RAD51B: variants seen among roughly 807,000 people sequenced by gnomAD.
The protein encoded by RAD51B is RAD51 paralog B, also known as DNA repair protein RAD51 homolog 2.
Under a neutral mutation model 42.2 loss-of-function variants are expected in RAD51B, and 38 were observed. The observed-to-expected ratio is 0.90, with a 90% CI of 0.70 to 1.18. The LOEUF is 1.18. Among genes scored for constraint, RAD51B ranks in the 50% most tolerant of loss-of-function variants. The pLI is 0.00. For missense variants in RAD51B, 373 were observed against 400.7 expected, an observed-to-expected ratio of 0.93 and a Z score of 0.59; for synonymous variants, 154 against 145.2, an observed-to-expected ratio of 1.06 and a Z score of -0.43.
chr14:67,943,517 CATCT>C (rs1447414031), intron 7 of RAD51B, among the ~76,000 whole-genome samples: 6 of 152,130 alleles, frequency 3.9e-5, no homozygotes, highest in Admixed American at 3.9e-4. Context: ...TATATCCATC[CATCT>C]ATCTATTATT....
At chr14:68,370,764 G>A (rs1195305200) in intron 8 of RAD51B, among the ~76,000 whole-genome samples, 1 of 152,124 alleles carries the variant, frequency 6.6e-6, no homozygotes, top group Non-Finnish European at 1.5e-5. Flanking sequence ...TGAAGAATTG[G>A]CCGGGCGCAG....
chr14:68,661,402 C>T (rs1224741595), intron 11 of RAD51B, among the ~76,000 whole-genome samples: 1 of 152,106 alleles, frequency 6.6e-6, no homozygotes. Context: ...GGGGTCTGCA[C>T]CAGGGGTTGA....
At chr14:68,350,478 A>G (rs1460053732) in intron 8 of RAD51B, among the ~76,000 whole-genome samples, 1 of 152,272 alleles carries the variant, frequency 6.6e-6, no homozygotes, top group Non-Finnish European at 1.5e-5. Flanking sequence ...TAGCAGAGTG[A>G]GCAAAGGCTG....
intron 8 of RAD51B, among the ~76,000 whole-genome samples, chr14:68,346,813 C>T (rs1429144247): frequency 6.6e-6 from 1 of 152,144 alleles, no homozygotes; most frequent in Non-Finnish European, 1.5e-5. Context: ...TCTCCATCAC[C>T]CCTCCTCCCA....
intron 8 of RAD51B, among the ~76,000 whole-genome samples, chr14:68,331,148 G>A (rs1020249014): frequency 5.3e-5 from 8 of 151,930 alleles, no homozygotes; most frequent in African/African-American, 1.9e-4. Flanking sequence ...TAGATCATGA[G>A]GTCAGGAGTT....
At chr14:68,591,991 G>A (rs961065130) in intron 10 of RAD51B, among the ~76,000 whole-genome samples, 1 of 152,148 alleles carries the variant, frequency 6.6e-6, no homozygotes, top group Non-Finnish European at 1.5e-5. Flanking sequence ...GGAGGCAGGT[G>A]ACTTCCAGGT....
intron 7 of RAD51B, chr14:68,125,418 G>GA (rs2077736663): frequency 6.6e-6 from 1 of 152,206 alleles, no homozygotes; most frequent in African/African-American, 2.4e-5. Flanking sequence ...AACTGCAATG[G>GA]AAAAGCACAC....
chr14:68,291,181 GT>G (rs2081509796), intron 7 of RAD51B, among the ~76,000 whole-genome samples: 2 of 151,538 alleles, frequency 1.3e-5, no homozygotes, highest in Admixed American at 1.3e-4. Context: ...ATTTTATTTT[GT>G]TTTTAATTTA....
intron 7 of RAD51B, among the ~76,000 whole-genome samples, chr14:68,037,427 G>A (rs901172333): frequency 1.3e-5 from 2 of 151,058 alleles, no homozygotes; most frequent in African/African-American, 2.4e-5. Flanking sequence ...TACCACGTTG[G>A]CCAGGATGGT....
intron 7 of RAD51B, among the ~76,000 whole-genome samples, chr14:68,040,318 G>A (rs553628897): frequency 1.3e-5 from 2 of 152,264 alleles, no homozygotes; most frequent in East Asian, 1.9e-4. Context: ...AGTCAACTGA[G>A]TATCATCCTC....
At chr14:68,149,276 G>C (rs2078322737) in intron 7 of RAD51B, among the ~76,000 whole-genome samples, 1 of 151,998 alleles carries the variant, frequency 6.6e-6, no homozygotes, top group Non-Finnish European at 1.5e-5. Context: ...TCATTGCCAA[G>C]CCCAAGATCA....
chr14:68,156,456 T>TCTCTCG (rs1491514760), intron 7 of RAD51B, among the ~76,000 whole-genome samples: 1 of 3,268 alleles, frequency 3.1e-4, no homozygotes, highest in East Asian at 0.013. Flanking sequence ...TTAGAAAATT[T>TCTCTCG]CTCTCTCTCT....
intron 8 of RAD51B, among the ~76,000 whole-genome samples, chr14:68,356,211 T>C (rs2082894388): frequency 6.6e-6 from 1 of 152,120 alleles, no homozygotes; most frequent in African/African-American, 2.4e-5. Flanking sequence ...GGTGGGCGGA[T>C]CACAAGGTCA....
chr14:68,509,670 T>C (rs1303424303), intron 10 of RAD51B, among the ~76,000 whole-genome samples: 3 of 152,222 alleles, frequency 2.0e-5, no homozygotes, highest in African/African-American at 7.2e-5. Context: ...CCTAGCGAGA[T>C]CTAGGATAGT....
chr14:68,679,096 C>T (rs971151347), intron 11 of RAD51B, among the ~76,000 whole-genome samples: 9 of 152,060 alleles, frequency 5.9e-5, no homozygotes, highest in African/African-American at 2.2e-4. Flanking sequence ...TTAGCCAAAG[C>T]AGTCTTATAC....
intron 8 of RAD51B, among the ~76,000 whole-genome samples, chr14:68,332,312 T>C (rs7144422): frequency 0.083 from 12,648 of 151,674 alleles, 883 homozygotes; most frequent in East Asian, 0.4. Flanking sequence ...CACACACACA[T>C]GTATATTATA....
intron 10 of RAD51B, among the ~76,000 whole-genome samples, chr14:68,531,835 C>T (rs969313124): frequency 3.0e-4 from 46 of 151,896 alleles, no homozygotes; most frequent in African/African-American, 9.9e-4. Context: ...CCTGTCACTA[C>T]GAAAAATAAT....
intron 11 of RAD51B, among the ~76,000 whole-genome samples, chr14:68,652,412 G>T (rs752411687): frequency 6.6e-6 from 1 of 152,150 alleles, no homozygotes; most frequent in Non-Finnish European, 1.5e-5. Flanking sequence ...TAAAAGCAAG[G>T]CCTGAAGCCT....
intron 10 of RAD51B, among the ~76,000 whole-genome samples, chr14:68,617,406 C>T (rs1891848020): frequency 1.3e-5 from 2 of 152,126 alleles, no homozygotes; most frequent in East Asian, 1.9e-4. Flanking sequence ...TCTCAGAATC[C>T]CATGTGAACT....
Sources: allele counts gnomAD v4.1 joint callset (sites outside exome capture counted in the v4.1 genomes callset), GRCh38; gene constraint gnomAD v4.1.1; transcripts MANE v1.5; gene names NCBI Gene and HGNC (gene_info 2026-07-23, HGNC 2026-07-21).